LDB2: variants seen among roughly 807,000 people sequenced by gnomAD.
The protein encoded by LDB2 is LIM domain binding 2, also known as LIM domain-binding protein 2.
In LDB2, 12 loss-of-function variants were observed where a neutral mutation model predicts 44.3. The observed-to-expected ratio is 0.27, with a 90% CI of 0.17 to 0.44. The LOEUF (loss-of-function observed/expected upper bound fraction) is 0.44, where lower values mean the gene tolerates loss of function less well. Ranked by LOEUF, LDB2 falls within the 20% of genes least tolerant of loss-of-function variation. The pLI is 1.00. For missense variants in LDB2, 344 were observed against 473.5 expected (o/e 0.73, Z 2.54); for synonymous variants, 164 against 174.8 (o/e 0.94, Z 0.49).
chr4:16,782,709 A>C (rs1438644153), intron 1 of LDB2, among the ~76,000 whole-genome samples: 1 of 152,212 alleles, frequency 6.6e-6, no homozygotes, highest in African/African-American at 2.4e-5. Flanking sequence ...CAAGCAAGTT[A>C]GCATTTTATT....
intron 2 of LDB2, among the ~76,000 whole-genome samples, chr4:16,645,743 T>C (rs1560743952): frequency 6.6e-6 from 1 of 152,200 alleles, no homozygotes; most frequent in Non-Finnish European, 1.5e-5. Context: ...GGATTGTAGC[T>C]GATCACATGA....
intron 1 of LDB2, among the ~76,000 whole-genome samples, chr4:16,805,776 G>A (rs867332611): frequency 6.6e-6 from 1 of 152,360 alleles, no homozygotes; most frequent in Middle Eastern, 3.4e-3. Context: ...AAAACCTGCA[G>A]AGAGAAAAGG....
chr4:16,569,492 A>G (rs1745646886), intron 5 of LDB2, among the ~76,000 whole-genome samples: 2 of 152,220 alleles, frequency 1.3e-5, no homozygotes, highest in South Asian at 2.1e-4. Flanking sequence ...GAGCATAGAC[A>G]TAAGTAGTAT....
At chr4:16,840,646 C>G (rs986996193) in intron 1 of LDB2, among the ~76,000 whole-genome samples, 9 of 152,206 alleles carry the variant, frequency 5.9e-5, no homozygotes, top group Non-Finnish European at 1.0e-4. Context: ...AATTCTGGCT[C>G]AGTCCCTTGT....
chr4:16,585,212 C>G (rs1238767044), intron 5 of LDB2, among the ~76,000 whole-genome samples: 2 of 152,186 alleles, frequency 1.3e-5, no homozygotes, highest in Non-Finnish European at 2.9e-5. Context: ...CCCAGCTACC[C>G]TGGCTGGGAG....
At chr4:16,552,929 A>G (rs1424416906) in intron 5 of LDB2, among the ~76,000 whole-genome samples, 1 of 152,200 alleles carries the variant, frequency 6.6e-6, no homozygotes, top group African/African-American at 2.4e-5. Flanking sequence ...GGTTGCAGCC[A>G]GAAGGTGGAA....
intron 2 of LDB2, among the ~76,000 whole-genome samples, chr4:16,599,269 A>T (rs1029991895): frequency 6.6e-6 from 1 of 152,116 alleles, no homozygotes; most frequent in Admixed American, 6.6e-5. Context: ...GGGAGAATCT[A>T]TCTTCTTGTT....
chr4:16,687,765 G>A (rs1749621663), intron 2 of LDB2, among the ~76,000 whole-genome samples: 1 of 152,076 alleles, frequency 6.6e-6, no homozygotes. Context: ...AAGGAGATCA[G>A]GAAAAAGGCT....
chr4:16,603,809 C>T (rs539849234), intron 2 of LDB2, among the ~76,000 whole-genome samples: 85 of 152,160 alleles, frequency 5.6e-4, no homozygotes, highest in African/African-American at 1.9e-3. Context: ...TAAAGGAATA[C>T]GAAATGTATG....
At chr4:16,801,122 G>T (rs1379203284) in intron 1 of LDB2, among the ~76,000 whole-genome samples, 5 of 152,162 alleles carry the variant, frequency 3.3e-5, no homozygotes, top group Admixed American at 3.3e-4. Flanking sequence ...TTACCACCAG[G>T]TCTTTGGCAT....
chr4:16,671,930 TTA>T (rs1253435064), intron 2 of LDB2, among the ~76,000 whole-genome samples: 1 of 152,188 alleles, frequency 6.6e-6, no homozygotes, highest in Non-Finnish European at 1.5e-5. Context: ...ATTCACCAAT[TTA>T]TTTATCTCAG....
At chr4:16,673,344 T>C (rs1490906033) in intron 2 of LDB2, among the ~76,000 whole-genome samples, 1 of 152,164 alleles carries the variant, frequency 6.6e-6, no homozygotes, top group Non-Finnish European at 1.5e-5. Flanking sequence ...GAATCCCTAA[T>C]TGTTGACTAA....
intron 2 of LDB2, among the ~76,000 whole-genome samples, chr4:16,600,240 C>T (rs978085119): frequency 2.6e-5 from 4 of 152,104 alleles, no homozygotes; most frequent in Non-Finnish European, 4.4e-5. Flanking sequence ...GTCAAAGTTA[C>T]ACTTTACATT....
At chr4:16,756,726 C>T (rs1030245624) in intron 2 of LDB2, among the ~76,000 whole-genome samples, 1 of 151,964 alleles carries the variant, frequency 6.6e-6, no homozygotes, top group Non-Finnish European at 1.5e-5. Context: ...AAACAGAGCC[C>T]TCATCCACAT....
chr4:16,733,119 T>G (rs1447573828), intron 2 of LDB2, among the ~76,000 whole-genome samples: 1 of 152,192 alleles, frequency 6.6e-6, no homozygotes, highest in Non-Finnish European at 1.5e-5. Flanking sequence ...CCTTCTTACT[T>G]AGGCTAAGTG....
At chr4:16,702,727 C>A (rs1299600305) in intron 2 of LDB2, among the ~76,000 whole-genome samples, 3 of 152,134 alleles carry the variant, frequency 2.0e-5, no homozygotes, top group African/African-American at 7.2e-5. Context: ...AAGCTCAGTC[C>A]CACCAGCCTT....
At chr4:16,609,075 G>T (rs570435124) in intron 2 of LDB2, among the ~76,000 whole-genome samples, 1 of 152,272 alleles carries the variant, frequency 6.6e-6, no homozygotes, top group African/African-American at 2.4e-5. Flanking sequence ...AAATTGACTA[G>T]AAGACTGGTG....
intron 2 of LDB2, among the ~76,000 whole-genome samples, chr4:16,734,038 A>G (rs892913459): frequency 1.3e-5 from 2 of 152,212 alleles, no homozygotes; most frequent in African/African-American, 4.8e-5. Context: ...ATAAAATCTG[A>G]GTTCAAATTT....
intron 5 of LDB2, among the ~76,000 whole-genome samples, chr4:16,550,111 TA>T (rs1255381146): frequency 6.6e-6 from 1 of 152,226 alleles, no homozygotes; most frequent in African/African-American, 2.4e-5. Flanking sequence ...GTAAGTTAAA[TA>T]AACATGTTAG....
Sources: gnomAD v4.1 joint callset for allele counts (sites outside exome capture counted in the v4.1 genomes callset) on GRCh38, gnomAD v4.1.1 for gene constraint, MANE v1.5 for transcripts, NCBI Gene and HGNC (gene_info 2026-07-23, HGNC 2026-07-21) for gene names.